Variants in RNF19A observed in about 807,000 individuals in gnomAD.
The protein encoded by RNF19A is ring finger protein 19A, RBR E3 ubiquitin protein ligase.
RNF19A carries 32 observed loss-of-function variants against 75.7 expected under a neutral mutation model. The observed-to-expected ratio is 0.42, with a 90% CI of 0.32 to 0.57. The LOEUF (loss-of-function observed/expected upper bound fraction) is 0.57. Ranked by LOEUF, RNF19A falls within the 20% of genes least tolerant of loss-of-function variation. The pLI is 0.10. For missense variants in RNF19A, 782 were observed against 1,036.3 expected (o/e 0.75, Z 3.37); for synonymous variants, 335 against 345.2 (o/e 0.97, Z 0.33).
intron 1 of RNF19A, among the ~76,000 whole-genome samples, chr8:100,298,700 A>G (rs1257833630): frequency 2.0e-5 from 3 of 152,214 alleles, no homozygotes; most frequent in African/African-American, 7.2e-5. Context: ...TTTGATTGGG[A>G]GAAGAACAAA....
At chr8:100,279,930 G>A (rs1202753079) in intron 2 of RNF19A, among the ~76,000 whole-genome samples, 1 of 152,090 alleles carries the variant, frequency 6.6e-6, no homozygotes, top group Non-Finnish European at 1.5e-5. Flanking sequence ...AAAGTGCTGG[G>A]ATTACAGGTG....
In RNF19A at chr8:100,325,456, T is replaced by C. The variant is rs933533020; in HGVS notation, c.-243+10652A>G. ...CCAGTTTCATGATCTCTGATGCTGG[T>C]GAGACCACACCTTGTCACCTCTAGG... On this transcript the variant is annotated intron_variant, in intron 1 of 3. Transcript: ENST00000519527. This position sits in a 1 kb window ranked among gnomAD's most constrained non-coding sequence, Gnocchi z 4.3. Among the ~76,000 whole-genome samples the C allele has an allele frequency of 2.6e-5, 4 of 152,182 alleles. No homozygotes were observed. Among genetic ancestry groups the C allele is most frequent in the Non-Finnish European group, 4.4e-5 (3 of 68,006 alleles).
At chr8:100,282,547 A>G (rs1820827694) in intron 2 of RNF19A, among the ~76,000 whole-genome samples, 1 of 152,236 alleles carries the variant, frequency 6.6e-6, no homozygotes. Context: ...TAACACATAC[A>G]ATTTATCACT....
intron 1 of RNF19A, 84 bp downstream of exon 1, chr8:100,309,783 G>A (rs951736820): frequency 1.5e-5 from 15 of 985,528 alleles, no homozygotes; most frequent in African/African-American, 5.2e-5. Flanking sequence ...GCTGCGGCCC[G>A]GCCAGAGCTC....
Position 100,258,579 on chromosome 8 carries a change from CT to C in RNF19A, c.2493del (p.Val832LeufsTer15). The C allele has an allele frequency of 6.2e-7, 1 of 1,611,488 alleles. No individual in the cohort carries two copies. Among genetic ancestry groups the C allele is most frequent in the South Asian group, 1.1e-5 (1 of 90,654 alleles). ...NNHSHQTMEL[K>X]VAIQTEI The stretch of plus-strand genomic sequence containing the variant: ...GCCTAAATTTCAGTCTGAATTGCAA[CT>C]TTTAATTCCATTGTCTGATGTGAGT... On this transcript the variant is annotated frameshift_variant, in exon 10 of 10. Transcript: ENST00000341084. LOFTEE classifies it high-confidence loss of function. The surrounding 1 kb of genome is among the most constrained non-coding windows in gnomAD (Gnocchi z 4.3).
intron 1 of RNF19A, among the ~76,000 whole-genome samples, chr8:100,291,877 C>T (rs1821310094): frequency 6.6e-6 from 1 of 151,422 alleles, no homozygotes; most frequent in Non-Finnish European, 1.5e-5. Flanking sequence ...TGTCTGACAT[C>T]CAGATGTATG....
chr8:100,283,792 C>T (rs1361699413), intron 2 of RNF19A, among the ~76,000 whole-genome samples: 1 of 152,046 alleles, frequency 6.6e-6, no homozygotes, highest in East Asian at 1.9e-4. Flanking sequence ...TGGAAAAGAA[C>T]CTTTCAAGTG....
At chr8:100,270,301 G>C (rs1820192863) in intron 3 of RNF19A, among the ~76,000 whole-genome samples, 1 of 152,102 alleles carries the variant, frequency 6.6e-6, no homozygotes, top group Non-Finnish European at 1.5e-5. Context: ...GACAGCTCTA[G>C]GCAAATTGTG....
At position 100,324,176 on chromosome 8, in the gene RNF19A, T is replaced by C. The variant is rs1188499126; in HGVS notation, c.-242-10804A>G. ...TACAGCGGAGGAAGCCCAATCTAGA[T>C]TTATAAAGTTAGTTCCATAGATCAC... On this transcript the variant is annotated intron_variant, in intron 1 of 3. Transcript: ENST00000519527. This position sits in a 1 kb window ranked among gnomAD's most constrained non-coding sequence, Gnocchi z 4.2. Among the ~76,000 whole-genome samples the C allele has an allele frequency of 6.6e-6, 1 of 152,210 alleles. No individual in the cohort carries two copies. Among genetic ancestry groups the C allele is most frequent in the Non-Finnish European group, 1.5e-5 (1 of 68,032 alleles).
At chr8:100,309,195 C>A (rs969694311) in intron 1 of RNF19A, 3 of 496,098 alleles carry the variant, frequency 6.0e-6, no homozygotes, top group African/African-American at 2.1e-5. Flanking sequence ...GGAGACAATC[C>A]CGGAAGACCC....
In RNF19A at chr8:100,288,238, G is replaced by T; in HGVS notation, c.-64C>A. On this transcript the variant is annotated 5_prime_UTR_variant, in exon 2 of 10. The change creates a premature stop within an existing upstream ORF in the 5' untranslated region. Transcript: ENST00000341084. ...CCTTCAGAGAATTCTTGAAAAGTTCGATTTACAGAAGACTGCTATCATGGA... is the reference window on the plus strand; with the variant it reads ...CCTTCAGAGAATTCTTGAAAAGTTCTATTTACAGAAGACTGCTATCATGGA... 6.8e-7 allele frequency: 1 copy of T among 1,469,170 alleles called. No homozygotes were observed. The highest frequency in any genetic ancestry group is 1.5e-5 in the South Asian group (1 of 68,712). 91.0% of individuals were successfully genotyped at this position (1,469,170 alleles called of 1,614,324 possible). A position where few individuals can be genotyped will look rare whatever the true frequency, so the allele number is the denominator to read the frequency against.
Position 100,287,311 on chromosome 8 carries a change from G to A in RNF19A, c.674+190C>T, listed in dbSNP as rs565864734. Among the ~76,000 whole-genome samples the A allele has an allele frequency of 9.9e-5, 15 of 152,092 alleles. No individual in the cohort carries two copies. The highest frequency in any genetic ancestry group is 1.6e-4 in the Non-Finnish European group (11 of 68,004). On this transcript the variant is annotated intron_variant, in intron 2 of 9. Transcript: ENST00000341084. The surrounding 1 kb of genome is among the most constrained non-coding windows in gnomAD (Gnocchi z 4.1). ...CTCAGTGAGTATGTAACGCAGAGAC[G>A]ATATAGAAATGAGTAAGATAGGATC...
At position 100,259,336 on chromosome 8, in the gene RNF19A, G is replaced by T; in HGVS notation, c.1827-90C>A. 9.8e-7 allele frequency: 1 copy of T among 1,021,540 alleles called. No individual in the cohort carries two copies. The highest frequency in any genetic ancestry group is 1.4e-6 in the Non-Finnish European group (1 of 693,168). The allele number at this position is 1,021,540 out of a possible 1,614,324, so 63.3% of individuals were successfully genotyped here. A position where few individuals can be genotyped will look rare whatever the true frequency, so the allele number is the denominator to read the frequency against. On this transcript the variant is annotated intron_variant, in intron 9 of 9. Transcript: ENST00000341084. The surrounding 1 kb of genome is among the most constrained non-coding windows in gnomAD (Gnocchi z 4.5). ...GAAGGGTTTCTATGTGGAAAATTCA[G>T]ACTATATATAAGCTATGAGAACACC...
upstream of RNF19A, chr8:100,310,199 C>T (rs1822249266): frequency 2.0e-6 from 2 of 985,108 alleles, no homozygotes; most frequent in Admixed American, 6.1e-5. Context: ...GCGTGCTGTG[C>T]GTCATGGCGT....
chr8:100,306,300 T>C (rs1822058330), intron 1 of RNF19A, among the ~76,000 whole-genome samples: 1 of 152,210 alleles, frequency 6.6e-6, no homozygotes, highest in Non-Finnish European at 1.5e-5. Flanking sequence ...CACAAACTTA[T>C]TTCAGAGTTA....
chr8:100,267,561 G>A (rs1820042712), intron 5 of RNF19A, among the ~76,000 whole-genome samples: 1 of 151,806 alleles, frequency 6.6e-6, no homozygotes, highest in Non-Finnish European at 1.5e-5. Context: ...TGAGAGATGG[G>A]GTCTCACTAT....
At chr8:100,270,334 T>C (rs1403545315) in intron 3 of RNF19A, among the ~76,000 whole-genome samples, 1 of 152,122 alleles carries the variant, frequency 6.6e-6, no homozygotes, top group Non-Finnish European at 1.5e-5. Context: ...TTTGTCTTTG[T>C]CCTGGTCCCA....
intron 2 of RNF19A, among the ~76,000 whole-genome samples, chr8:100,279,034 A>G (rs1385733879): frequency 6.6e-6 from 1 of 152,176 alleles, no homozygotes; most frequent in Non-Finnish European, 1.5e-5. Context: ...AGCTTCATAA[A>G]TTGCTTTCAG....
chr8:100,264,944 T>C lies in RNF19A; in HGVS notation c.1192-159A>G, dbSNP rs910323771. Among the ~76,000 whole-genome samples, 8 of 152,244 alleles carry C rather than the reference T, an allele frequency of 5.3e-5. No homozygotes were observed. Among genetic ancestry groups the C allele is most frequent in the Admixed American group, 4.6e-4 (7 of 15,290 alleles). On this transcript the variant is annotated intron_variant, in intron 5 of 9. Coordinates refer to ENST00000341084, the MANE Select transcript of RNF19A (RefSeq NM_183419.4). This position sits in a 1 kb window ranked among gnomAD's most constrained non-coding sequence, Gnocchi z 4.7. ...ACCTACTAGTGTCCTTAAACTATTA[T>C]ATATTCTCACAAATAATTTGCTCCT... is the stretch of plus-strand genomic sequence containing the variant.
Sources: allele counts gnomAD v4.1 joint callset (sites outside exome capture counted in the v4.1 genomes callset), GRCh38; gene constraint gnomAD v4.1.1; non-coding constraint Gnocchi (gnomAD v3.1); transcripts MANE v1.5; gene names NCBI Gene and HGNC (gene_info 2026-07-23, HGNC 2026-07-21).